MAPK10: variants seen among roughly 807,000 people sequenced by gnomAD.
MAPK10 encodes mitogen-activated protein kinase 10.
Under a neutral mutation model 59.3 loss-of-function variants are expected in MAPK10, and 25 were observed. The ratio of observed to expected loss-of-function variants is 0.42; its 90% CI spans 0.31 to 0.59. MAPK10 has a LOEUF of 0.59. Ranked by LOEUF, MAPK10 falls within the 20% of genes least tolerant of loss-of-function variation. MAPK10 has a pLI of 0.15. For synonymous variants in MAPK10, 190 were observed against 200.5 expected, an observed-to-expected ratio of 0.95 and a Z score of 0.44; for missense variants, 351 against 568.9, an observed-to-expected ratio of 0.62 and a Z score of 3.90.
intron 8 of MAPK10, 57 bp downstream of exon 8, chr4:86,100,995 A>G: frequency 1.3e-6 from 2 of 1,489,398 alleles, no homozygotes; most frequent in South Asian, 1.2e-5. Context: ...TTGGCTATCT[A>G]CAACGTGCAC....
chr4:86,295,801 C>A (rs1306984012), intron 2 of MAPK10, among the ~76,000 whole-genome samples: 1 of 144,618 alleles, frequency 6.9e-6, no homozygotes, highest in Admixed American at 7.0e-5. Flanking sequence ...ATTTCCCATC[C>A]TCTTTTCTCT....
chr4:86,278,109 C>T (rs1422888580), intron 2 of MAPK10, among the ~76,000 whole-genome samples: 1 of 152,080 alleles, frequency 6.6e-6, no homozygotes, highest in Admixed American at 6.6e-5. Flanking sequence ...ACTATTTTGG[C>T]ATGTTTTACT....
At chr4:86,237,102 G>C (rs2148676492) in intron 2 of MAPK10, among the ~76,000 whole-genome samples, 1 of 152,108 alleles carries the variant, frequency 6.6e-6, no homozygotes, top group Admixed American at 6.5e-5. Flanking sequence ...TTGGTTTTCT[G>C]TTCCTGTGTC....
At chr4:86,311,986 T>C (rs2095680071) in intron 2 of MAPK10, among the ~76,000 whole-genome samples, 1 of 152,164 alleles carries the variant, frequency 6.6e-6, no homozygotes, top group African/African-American at 2.4e-5. Flanking sequence ...ACTATTATTT[T>C]GTATACATCC....
At chr4:86,560,633 C>T (rs1209439703) in intron 1 of MAPK10, among the ~76,000 whole-genome samples, 1 of 152,204 alleles carries the variant, frequency 6.6e-6, no homozygotes, top group Non-Finnish European at 1.5e-5. Context: ...AACAGCTAAT[C>T]TAAAGTAGTT....
At chr4:86,505,377 A>G (rs1755665123) in intron 1 of MAPK10, among the ~76,000 whole-genome samples, 1 of 152,074 alleles carries the variant, frequency 6.6e-6, no homozygotes, top group South Asian at 2.1e-4. Context: ...TTGGGAGGCC[A>G]AGGCAGGAGG....
intron 2 of MAPK10, among the ~76,000 whole-genome samples, chr4:86,254,993 T>A (rs1189258012): frequency 6.6e-6 from 1 of 152,146 alleles, no homozygotes; most frequent in African/African-American, 2.4e-5. Context: ...AAAAGTGACA[T>A]CACCAAGGTA....
At chr4:86,405,286 G>A (rs1298247770) in intron 1 of MAPK10, among the ~76,000 whole-genome samples, 1 of 152,112 alleles carries the variant, frequency 6.6e-6, no homozygotes, top group East Asian at 1.9e-4. Flanking sequence ...AACAGAATGT[G>A]TTGTTAAAAC....
At chr4:86,543,545 C>T (rs144580755) in intron 1 of MAPK10, among the ~76,000 whole-genome samples, 139 of 152,224 alleles carry the variant, frequency 9.1e-4, no homozygotes, top group African/African-American at 2.7e-3. Flanking sequence ...AATCTACTGT[C>T]CTTTATTCTG....
rs1743503759 is a variant in MAPK10 at position 86,016,845 on chromosome 4, C to T, written c.*383G>A. The T allele has an allele frequency of 9.7e-6, 2 of 206,756 alleles. No homozygotes were observed. The highest frequency in any genetic ancestry group is 2.0e-5 in the Non-Finnish European group (2 of 100,606). 12.8% of individuals were successfully genotyped at this position (206,756 alleles called of 1,614,324 possible). On this transcript the variant is annotated 3_prime_UTR_variant, in exon 14 of 14. Transcript: ENST00000641462. Reference sequence around the variant, plus strand: ...GGTAGATGCAAGATAGAGACACACACATGCTGGATGGGGCCACTGCACACC... The same window carrying T: ...GGTAGATGCAAGATAGAGACACACATATGCTGGATGGGGCCACTGCACACC...
rs550684384 is a variant in MAPK10 at position 86,291,046 on chromosome 4, A to G, written c.-7+63484T>C. ...CTTGTAAATAGGAAAGCTATAATAC[A>G]GCATGGTAAGTGCAACTATAGACAA... On this transcript the variant is annotated intron_variant, in intron 2 of 13. Coordinates refer to ENST00000641462, the MANE Select transcript of MAPK10 (RefSeq NM_138982.4). Among the ~76,000 whole-genome samples, 5 of 152,326 alleles carry G rather than the reference A, an allele frequency of 3.3e-5. No homozygotes were observed. In the South Asian group the frequency reaches 1.0e-3, roughly 32 times the overall value.
At chr4:86,177,139 T>C (rs2075871549) in intron 3 of MAPK10, among the ~76,000 whole-genome samples, 1 of 152,136 alleles carries the variant, frequency 6.6e-6, no homozygotes, top group African/African-American at 2.4e-5. Flanking sequence ...CATTTATTTA[T>C]GAAACACCAG....
intron 2 of MAPK10, among the ~76,000 whole-genome samples, chr4:86,309,087 A>G (rs1438877017): frequency 2.6e-5 from 4 of 152,178 alleles, no homozygotes. Context: ...GGAAAAAAAT[A>G]AATCATTTTA....
chr4:86,412,764 G>T (rs1321157144), intron 1 of MAPK10, among the ~76,000 whole-genome samples: 1 of 152,116 alleles, frequency 6.6e-6, no homozygotes, highest in African/African-American at 2.4e-5. Context: ...GTCATTTAAG[G>T]TCTTCTCTAC....
At chr4:86,026,714 T>C (rs1269697371) in intron 13 of MAPK10, 1 of 152,148 alleles carries the variant, frequency 6.6e-6, no homozygotes, top group Non-Finnish European at 1.5e-5. Flanking sequence ...ACAGCTATTT[T>C]CAAAATAAAA....
Position 86,145,218 on chromosome 4 carries a change from C to T in MAPK10, c.236+14080G>A, listed in dbSNP as rs562484885. Among the ~76,000 whole-genome samples the T allele has an allele frequency of 2.2e-5, 2 of 91,976 alleles. 1 individual carries two copies. Among genetic ancestry groups the T allele is most frequent in the African/African-American group, 1.3e-4 (2 of 15,688 alleles). The allele number at this position is 91,976 out of a possible 152,430, so 60.3% of individuals were successfully genotyped here. ...GTCCATTCAAATTTCTATCTCTAGC[C>T]GGGCGTGGTGGCGCGCGCCTGTAGT... On this transcript the variant is annotated intron_variant, in intron 4 of 13. Coordinates refer to ENST00000641462, the MANE Select transcript of MAPK10 (RefSeq NM_138982.4).
At chr4:86,034,423 T>C (rs1390482607) in intron 11 of MAPK10, among the ~76,000 whole-genome samples, 1 of 152,218 alleles carries the variant, frequency 6.6e-6, no homozygotes, top group East Asian at 1.9e-4. Context: ...ATGAATTTTA[T>C]ACTGATGAAA....
intron 1 of MAPK10, among the ~76,000 whole-genome samples, chr4:86,475,528 G>A (rs899895316): frequency 6.6e-5 from 10 of 151,848 alleles, no homozygotes; most frequent in Non-Finnish European, 1.5e-4. Flanking sequence ...CGTTTTATCC[G>A]TGGACCCAAA....
At chr4:86,556,587 T>C (rs1760286034) in intron 1 of MAPK10, among the ~76,000 whole-genome samples, 1 of 152,138 alleles carries the variant, frequency 6.6e-6, no homozygotes, top group Non-Finnish European at 1.5e-5. Context: ...GAAAACAGTT[T>C]ATTTCTGTCA....
Sources: gnomAD v4.1 joint callset for allele counts (sites outside exome capture counted in the v4.1 genomes callset) on GRCh38, gnomAD v4.1.1 for gene constraint, MANE v1.5 for transcripts, NCBI Gene and HGNC (gene_info 2026-07-23, HGNC 2026-07-21) for gene names.